FRMD4A: variants seen among roughly 807,000 people sequenced by gnomAD.
FRMD4A encodes FERM domain containing 4A, also known as FERM domain-containing protein 4A.
A neutral mutation model predicts 129.1 loss-of-function variants in FRMD4A; 29 were observed. That is an observed-to-expected ratio of 0.22 (90% CI 0.17 to 0.31). The LOEUF (loss-of-function observed/expected upper bound fraction) is 0.31. Among genes scored for constraint, FRMD4A ranks in the 10% least tolerant of loss-of-function variants. The pLI, the probability that FRMD4A is intolerant of heterozygous loss-of-function variation, is 1.00. For synonymous variants in FRMD4A, 634 were observed against 571.6 expected (o/e 1.11, Z -1.56); for missense variants, 1,272 against 1,375.8 (o/e 0.92, Z 1.19).
intron 17 of FRMD4A, among the ~76,000 whole-genome samples, chr10:13,667,054 G>A (rs1317086948): frequency 6.6e-6 from 1 of 151,886 alleles, no homozygotes; most frequent in Admixed American, 6.6e-5. Context: ...TGAGATTACA[G>A]GCACCTGCCA....
At chr10:13,798,053 T>TA (rs1224427876) in intron 4 of FRMD4A, among the ~76,000 whole-genome samples, 4 of 152,166 alleles carry the variant, frequency 2.6e-5, no homozygotes, top group South Asian at 2.1e-4. Flanking sequence ...TCCAGTTGGA[T>TA]AAAAAAATTC....
chr10:13,867,706 AAAT>A (rs1266103769), intron 2 of FRMD4A, among the ~76,000 whole-genome samples: 1 of 4,104 alleles, frequency 2.4e-4, no homozygotes, highest in African/African-American at 3.4e-4. Flanking sequence ...AATATATAAT[AAAT>A]AACATATAAT....
chr10:13,967,808 G>C (rs147035851), intron 2 of FRMD4A, among the ~76,000 whole-genome samples: 2 of 152,376 alleles, frequency 1.3e-5, no homozygotes, highest in East Asian at 3.9e-4. Context: ...CACTCTGGGA[G>C]GATGGGGCAG....
chr10:13,698,662 AC>A (rs1214588177), intron 14 of FRMD4A, among the ~76,000 whole-genome samples: 3 of 152,226 alleles, frequency 2.0e-5, no homozygotes, highest in Non-Finnish European at 2.9e-5. Context: ...AATTTCACAA[AC>A]GTGGTGCCAT....
At chr10:14,207,186 A>T (rs926928298) in intron 2 of FRMD4A, among the ~76,000 whole-genome samples, 1 of 152,166 alleles carries the variant, frequency 6.6e-6, no homozygotes, top group Non-Finnish European at 1.5e-5. Context: ...ATGTTTTAGA[A>T]GAACAATTAA....
At chr10:14,276,193 C>CCCTT (rs1264456982) in intron 2 of FRMD4A, among the ~76,000 whole-genome samples, 1 of 152,174 alleles carries the variant, frequency 6.6e-6, no homozygotes, top group African/African-American at 2.4e-5. Flanking sequence ...CTTGCAAGGT[C>CCCTT]CCTTTTCGTT....
intron 5 of FRMD4A, among the ~76,000 whole-genome samples, chr10:13,787,387 C>A (rs113137387): frequency 6.6e-6 from 1 of 152,304 alleles, no homozygotes; most frequent in South Asian, 2.1e-4. Flanking sequence ...TGGTGCACAC[C>A]GGTGGCACCA....
At chr10:13,779,022 TTTA>T (rs1325672047) in intron 6 of FRMD4A, among the ~76,000 whole-genome samples, 31 of 128,854 alleles carry the variant, frequency 2.4e-4, no homozygotes, top group African/African-American at 8.7e-4. Flanking sequence ...TATTTATTTA[TTTA>T]AAAAAAGAAT....
At chr10:13,765,889 C>T (rs2092271539) in intron 6 of FRMD4A, among the ~76,000 whole-genome samples, 1 of 152,176 alleles carries the variant, frequency 6.6e-6, no homozygotes. Flanking sequence ...CACTTGTTAG[C>T]GTGCTGTTGT....
At chr10:13,647,802 C>G (rs1383164100) in intron 24 of FRMD4A, 1 of 141,738 alleles carries the variant, frequency 7.1e-6, no homozygotes, top group Non-Finnish European at 1.5e-5. Context: ...ATTCTTAAAT[C>G]TTAAGAAGCA....
chr10:13,756,719 C>G (rs1273443582), intron 8 of FRMD4A, among the ~76,000 whole-genome samples: 1 of 152,124 alleles, frequency 6.6e-6, no homozygotes, highest in Non-Finnish European at 1.5e-5. Flanking sequence ...ATCAGAAGGG[C>G]TGGCAGAGGT....
intron 2 of FRMD4A, among the ~76,000 whole-genome samples, chr10:14,077,853 T>A (rs577164059): frequency 6.6e-6 from 1 of 152,338 alleles, no homozygotes; most frequent in African/African-American, 2.4e-5. Context: ...AGGCTTAACA[T>A]CCATCTAGAA....
chr10:13,730,800 G>T (rs2090264852), intron 12 of FRMD4A, among the ~76,000 whole-genome samples: 2 of 148,600 alleles, frequency 1.3e-5, no homozygotes, highest in Non-Finnish European at 3.0e-5. Context: ...GATCTTTTGA[G>T]GTCAGGAGTC....
chr10:14,123,104 A>C (rs1838626003), intron 2 of FRMD4A, among the ~76,000 whole-genome samples: 1 of 119,908 alleles, frequency 8.3e-6, no homozygotes. Flanking sequence ...AAAACCTTTT[A>C]AACTATTTGC....
intron 16 of FRMD4A, among the ~76,000 whole-genome samples, chr10:13,670,903 T>C (rs905796606): frequency 2.6e-5 from 4 of 152,312 alleles, no homozygotes; most frequent in Non-Finnish European, 5.9e-5. Flanking sequence ...TGAGGAGCAG[T>C]GTCAGCGTGA....
At chr10:14,127,593 T>C (rs866716413) in intron 2 of FRMD4A, among the ~76,000 whole-genome samples, 5 of 152,070 alleles carry the variant, frequency 3.3e-5, no homozygotes, top group African/African-American at 7.2e-5. Flanking sequence ...ATCTGAAAAA[T>C]AGAATAATGA....
intron 2 of FRMD4A, among the ~76,000 whole-genome samples, chr10:14,087,243 TA>T (rs1296056644): frequency 1.4e-5 from 2 of 147,506 alleles, no homozygotes; most frequent in South Asian, 2.1e-4. Flanking sequence ...TTATATAATA[TA>T]AAAATTATAT....
chr10:13,806,703 T>C (rs577900476), intron 4 of FRMD4A, among the ~76,000 whole-genome samples: 4 of 152,350 alleles, frequency 2.6e-5, no homozygotes, highest in South Asian at 4.1e-4. Context: ...GCTGATTCAA[T>C]TGGAATTTCT....
intron 13 of FRMD4A, among the ~76,000 whole-genome samples, chr10:13,702,277 T>C (rs574611584): frequency 3.7e-4 from 57 of 152,304 alleles, no homozygotes; most frequent in African/African-American, 1.3e-3. Flanking sequence ...TTCATCAGGC[T>C]GGTCTCTAAC....
Sources: allele counts gnomAD v4.1 joint callset (sites outside exome capture counted in the v4.1 genomes callset), GRCh38; gene constraint gnomAD v4.1.1; transcripts MANE v1.5; gene names NCBI Gene and HGNC (gene_info 2026-07-23, HGNC 2026-07-21).